SKAP1: variants seen among roughly 807,000 people sequenced by gnomAD.
The protein encoded by SKAP1 is src kinase associated phosphoprotein 1.
In SKAP1, 44 loss-of-function variants were observed where a neutral mutation model predicts 58.5. The observed-to-expected ratio is 0.75, with a 90% CI of 0.59 to 0.97. SKAP1 has a LOEUF of 0.97. Ranked by LOEUF, SKAP1 falls within the 50% of genes least tolerant of loss-of-function variation. The pLI is 0.00. For missense variants in SKAP1, 390 were observed against 435.2 expected (o/e 0.90, Z 0.92); for synonymous variants, 127 against 149.7 (o/e 0.85, Z 1.11).
rs190012796 is a variant in SKAP1 at position 48,316,627 on chromosome 17, C to T, written c.280+29278G>A. ...ATGTGGCTAAGGGTTTTGTCAACTT[C>T]GTCTCTGTGTCCCCAGTACTAGTCT... On this transcript the variant is annotated intron_variant, in intron 4 of 12. Coordinates refer to ENST00000336915, the MANE Select transcript of SKAP1 (RefSeq NM_003726.4). Among the ~76,000 whole-genome samples, 20 of 152,278 alleles carry T rather than the reference C, an allele frequency of 1.3e-4. No homozygotes were observed. In the East Asian group the frequency reaches 2.7e-3, roughly 21 times the overall value.
chr17:48,289,623 C>T (rs1255833566), intron 4 of SKAP1, among the ~76,000 whole-genome samples: 3 of 151,288 alleles, frequency 2.0e-5, no homozygotes, highest in Admixed American at 6.6e-5. Flanking sequence ...TTCTTGATTA[C>T]AAAAAGAATG....
intron 1 of SKAP1, among the ~76,000 whole-genome samples, chr17:48,401,312 G>GA (rs71141991): frequency 0.096 from 13,770 of 143,230 alleles, 948 homozygotes; most frequent in African/African-American, 0.17. Flanking sequence ...TCTCAAAAAA[G>GA]AAAAAAAAAA....
rs376880992 is a variant in SKAP1 at position 48,189,497 on chromosome 17, A to G, written c.284T>C (p.Met95Thr). 9.3e-6 allele frequency: 15 copies of G among 1,611,028 alleles called. No homozygotes were observed. Among genetic ancestry groups the G allele is most frequent in the African/African-American group, 4.0e-5 (3 of 74,808 alleles). Reference sequence around the variant, plus strand: ...TTGAGCTCCTTTTACGATGTCTTCCATTCCTAAAAGGACCAATGGCAAAAT... The same window carrying G: ...TTGAGCTCCTTTTACGATGTCTTCCGTTCCTAAAAGGACCAATGGCAAAAT... ...PFLSDYQDEG[M>T]EDIVKGAQEL... The change falls in exon 5 of 13, where the codon ATG (methionine) becomes ACG (threonine). Residue 95 changes from methionine to threonine, a missense_variant. Physicochemically the swap from Met to Thr is moderately conservative, Grantham distance 81. Coordinates refer to ENST00000336915, the MANE Select transcript of SKAP1 (RefSeq NM_003726.4).
At chr17:48,430,228 T>C (rs2144635387), upstream of SKAP1, 1 of 463,432 alleles carries the variant, frequency 2.2e-6, no homozygotes. Flanking sequence ...TCAGCCGCGG[T>C]CGCCGCCCGC....
chr17:48,153,912 G>GA (rs1245949883), intron 11 of SKAP1, among the ~76,000 whole-genome samples: 64 of 128,414 alleles, frequency 5.0e-4, no homozygotes, highest in South Asian at 4.0e-3. Flanking sequence ...AAAAAAAAAA[G>GA]AAAAAAAAAT....
rs1285181520 is a variant in SKAP1 at position 48,187,919 on chromosome 17, AC to A, written c.365del (p.Ser122IlefsTer59). The A allele has an allele frequency of 1.2e-6, 2 of 1,613,596 alleles. No homozygotes were observed. Among genetic ancestry groups the A allele is most frequent in the Non-Finnish European group, 1.7e-6 (2 of 1,179,634 alleles). ...GCTTCTGCCACTCCGATCCAAAGAA[AC>A]TATGATCTAAACAGAACAGCAGTAG... ...GYLEKKSKDH[S>X]FFGSEWQKRW... On this transcript the variant is annotated frameshift_variant, in exon 6 of 13. Coordinates refer to ENST00000336915, the MANE Select transcript of SKAP1 (RefSeq NM_003726.4). LOFTEE classifies it high-confidence loss of function.
intron 9 of SKAP1, among the ~76,000 whole-genome samples, chr17:48,179,811 G>C (rs1414863617): frequency 6.6e-6 from 1 of 152,198 alleles, no homozygotes; most frequent in Non-Finnish European, 1.5e-5. Context: ...GTGGACACAT[G>C]TAAAAAGTTA....
At chr17:48,190,998 CAAAA>C (rs896698738) in intron 4 of SKAP1, among the ~76,000 whole-genome samples, 1 of 151,726 alleles carries the variant, frequency 6.6e-6, no homozygotes, top group African/African-American at 2.4e-5. Context: ...ACAAAACAAA[CAAAA>C]AAAAGTATGC....
intron 11 of SKAP1, among the ~76,000 whole-genome samples, chr17:48,139,021 T>C (rs1216580857): frequency 6.6e-6 from 1 of 151,956 alleles, no homozygotes; most frequent in Non-Finnish European, 1.5e-5. Flanking sequence ...CCTGAGTAGC[T>C]GGGACTACAG....
chr17:48,183,734 A>T lies in SKAP1; in HGVS notation c.567+989T>A, dbSNP rs8081199. ...GATCTATATTATATATATTCATAAA[A>T]GACTCTATAGAAAAGTTTTAGTTCA... On this transcript the variant is annotated intron_variant, in intron 7 of 12. Transcript: ENST00000336915. Among the ~76,000 whole-genome samples the T allele has an allele frequency of 5.9e-5, 9 of 152,012 alleles. No homozygotes were observed. In the East Asian group the frequency reaches 1.7e-3, roughly 29 times the overall value.
chr17:48,176,790 T>C (rs761638194), intron 9 of SKAP1, among the ~76,000 whole-genome samples: 3 of 152,222 alleles, frequency 2.0e-5, no homozygotes, highest in Admixed American at 6.5e-5. Flanking sequence ...CCATGCGTTA[T>C]TTTGATTACA....
At chr17:48,328,708 T>G (rs1182319716) in intron 4 of SKAP1, among the ~76,000 whole-genome samples, 1 of 152,174 alleles carries the variant, frequency 6.6e-6, no homozygotes, top group East Asian at 1.9e-4. Context: ...ACTTCCTTTC[T>G]TCCACTCCAC....
intron 4 of SKAP1, chr17:48,204,519 T>C (rs2064769181): frequency 6.6e-6 from 1 of 152,198 alleles, no homozygotes; most frequent in Admixed American, 6.5e-5. Flanking sequence ...TCAAGATGAA[T>C]AATGCTTTAA....
At chr17:48,400,820 A>C (rs563949684) in intron 1 of SKAP1, among the ~76,000 whole-genome samples, 1 of 152,296 alleles carries the variant, frequency 6.6e-6, no homozygotes, top group Admixed American at 6.5e-5. Flanking sequence ...CTTACGAATA[A>C]ATAGAACATA....
chr17:48,285,161 A>T, intron 4 of SKAP1, among the ~76,000 whole-genome samples: 1 of 152,244 alleles, frequency 6.6e-6, no homozygotes, highest in Admixed American at 6.5e-5. Context: ...TTTATGGCCA[A>T]GATGTTATTA....
At chr17:48,187,542 TTTTA>T in intron 6 of SKAP1, among the ~76,000 whole-genome samples, 1 of 151,768 alleles carries the variant, frequency 6.6e-6, no homozygotes, top group East Asian at 1.9e-4. Context: ...TTGAAGTTCT[TTTTA>T]TTTTTTTTAA....
At chr17:48,318,687 G>C (rs1330187897) in intron 4 of SKAP1, among the ~76,000 whole-genome samples, 1 of 152,162 alleles carries the variant, frequency 6.6e-6, no homozygotes, top group Non-Finnish European at 1.5e-5. Context: ...GCAACATAGT[G>C]AGACTTCATT....
chr17:48,264,939 G>A (rs186506299), intron 4 of SKAP1, among the ~76,000 whole-genome samples: 1 of 152,236 alleles, frequency 6.6e-6, no homozygotes, highest in African/African-American at 2.4e-5. Context: ...GCTGAAGTCT[G>A]AATCACAAAT....
chr17:48,257,968 ACC>A (rs2065444315), intron 4 of SKAP1, among the ~76,000 whole-genome samples: 1 of 151,952 alleles, frequency 6.6e-6, no homozygotes, highest in South Asian at 2.1e-4. Context: ...GAGAAAAGCG[ACC>A]CAACATTAGA....
Sources: gnomAD v4.1 joint callset for allele counts (sites outside exome capture counted in the v4.1 genomes callset) on GRCh38, gnomAD v4.1.1 for gene constraint, MANE v1.5 for transcripts, NCBI Gene and HGNC (gene_info 2026-07-23, HGNC 2026-07-21) for gene names.